FRMD5: variants seen among roughly 807,000 people sequenced by gnomAD.
The protein encoded by FRMD5 is FERM domain-containing protein 5.
A neutral mutation model predicts 69.0 loss-of-function variants in FRMD5; 20 were observed. That is an observed-to-expected ratio of 0.29 (90% CI 0.20 to 0.42). The LOEUF is 0.42. Ranked by LOEUF, FRMD5 falls within the 10% of genes least tolerant of loss-of-function variation. FRMD5 has a pLI of 1.00. For missense variants in FRMD5, 595 were observed against 708.6 expected, an observed-to-expected ratio of 0.84 and a Z score of 1.82; for synonymous variants, 271 against 260.1, an observed-to-expected ratio of 1.04 and a Z score of -0.40.
chr15:43,902,358 AC>A, intron 6 of FRMD5, 96 bp from the exon 7 acceptor site: 1 of 1,027,328 alleles, frequency 9.7e-7, no homozygotes, highest in Non-Finnish European at 1.5e-6. Context: ...GATGAGCCAC[AC>A]ATCTCAGTTT....
intron 1 of FRMD5, among the ~76,000 whole-genome samples, chr15:43,927,891 C>T (rs1050266924): frequency 7.2e-5 from 11 of 152,094 alleles, no homozygotes; most frequent in Admixed American, 2.6e-4. Context: ...GGAAATCATA[C>T]AGACTTTTAA....
intron 1 of FRMD5, among the ~76,000 whole-genome samples, chr15:44,118,973 T>A (rs2076909056): frequency 2.6e-5 from 4 of 152,126 alleles, no homozygotes. Flanking sequence ...AATTTAACTT[T>A]TATTTTTTAG....
intron 8 of FRMD5, 145 bp downstream of exon 8, chr15:43,891,836 C>A: frequency 1.5e-6 from 1 of 660,308 alleles, no homozygotes; most frequent in Admixed American, 2.5e-5. Flanking sequence ...AGACCACTCC[C>A]TTCGTCAGTT....
chr15:43,887,237 C>G (rs2088685566), intron 10 of FRMD5, among the ~76,000 whole-genome samples: 2 of 152,190 alleles, frequency 1.3e-5, no homozygotes, highest in South Asian at 4.1e-4. Context: ...CTTCCTCTCT[C>G]TGCTGCGGAG....
At chr15:44,137,937 T>C (rs1230100990) in intron 1 of FRMD5, among the ~76,000 whole-genome samples, 6 of 152,194 alleles carry the variant, frequency 3.9e-5, no homozygotes, top group Non-Finnish European at 7.3e-5. Context: ...TACTGTACAA[T>C]AAAACAGGCA....
intron 1 of FRMD5, among the ~76,000 whole-genome samples, chr15:44,138,785 A>G (rs1357063892): frequency 6.6e-6 from 1 of 152,208 alleles, no homozygotes; most frequent in Non-Finnish European, 1.5e-5. Context: ...TGATGAAAAG[A>G]AAAGTGGCAA....
intron 5 of FRMD5, among the ~76,000 whole-genome samples, chr15:43,907,108 G>T (rs2089193961): frequency 6.6e-6 from 1 of 152,188 alleles, no homozygotes. Context: ...AGGATGGTGG[G>T]TAGGACAAAA....
intron 1 of FRMD5, among the ~76,000 whole-genome samples, chr15:44,040,422 C>T (rs535800108): frequency 3.5e-4 from 53 of 152,278 alleles, no homozygotes; most frequent in African/African-American, 1.2e-3. Flanking sequence ...AGAGAAAGGT[C>T]AGGTTACCCA....
intron 1 of FRMD5, among the ~76,000 whole-genome samples, chr15:43,962,965 G>C (rs368861682): frequency 1.4e-4 from 22 of 152,052 alleles, no homozygotes; most frequent in East Asian, 1.9e-4. Flanking sequence ...AGAAGAAAAC[G>C]TAGGCAATAC....
intron 1 of FRMD5, among the ~76,000 whole-genome samples, chr15:44,134,299 C>G (rs1290331794): frequency 2.0e-5 from 3 of 151,986 alleles, no homozygotes; most frequent in Non-Finnish European, 2.9e-5. Context: ...AAAAGAATAT[C>G]TGGAAGGTGA....
At position 43,924,206 on chromosome 15, in the gene FRMD5, C is replaced by T. The variant is rs1246627415; in HGVS notation, c.206G>A (p.Arg69Gln). The change falls in exon 2 of 14, where the codon CGG becomes CAG. Residue 69 changes from arginine (R) to glutamine (Q), a missense_variant and splice_region_variant. Physicochemically the swap from Arg to Gln is conservative, Grantham distance 43. Coordinates refer to ENST00000417257, the MANE Select transcript of FRMD5 (RefSeq NM_032892.5). ...GIRFVDPDKQ[R>Q]HWLEFTKSVV... ...TTTGTGCTTTGAATATTGACTTACC[C>T]GCTGCTTATCTGGGTCTACAAAGCG... The T allele has an allele frequency of 5.0e-6, 8 of 1,610,288 alleles. No individual in the cohort carries two copies. Among genetic ancestry groups the T allele is most frequent in the South Asian group, 1.1e-5 (1 of 91,008 alleles).
At chr15:44,184,304 A>T (rs2078062566) in intron 1 of FRMD5, among the ~76,000 whole-genome samples, 1 of 152,216 alleles carries the variant, frequency 6.6e-6, no homozygotes, top group African/African-American at 2.4e-5. Flanking sequence ...TTATTACCAA[A>T]AAAAGTTAAT....
At chr15:43,947,136 C>G (rs2089960263) in intron 1 of FRMD5, among the ~76,000 whole-genome samples, 1 of 152,350 alleles carries the variant, frequency 6.6e-6, no homozygotes, top group Admixed American at 6.5e-5. Flanking sequence ...TAAGCAACTT[C>G]TGTTTCATTG....
At chr15:44,078,320 A>C (rs183081192) in intron 1 of FRMD5, among the ~76,000 whole-genome samples, 3 of 152,236 alleles carry the variant, frequency 2.0e-5, no homozygotes, top group Non-Finnish European at 4.4e-5. Flanking sequence ...CATTTATCCT[A>C]AACTTAGATG....
intron 1 of FRMD5, among the ~76,000 whole-genome samples, chr15:44,130,639 T>C (rs189886763): frequency 6.6e-6 from 1 of 152,302 alleles, no homozygotes; most frequent in African/African-American, 2.4e-5. Flanking sequence ...AGGTACATAT[T>C]TCTTCCAAAC....
At chr15:43,986,796 TTTTG>T (rs1215749003) in intron 1 of FRMD5, among the ~76,000 whole-genome samples, 2 of 151,250 alleles carry the variant, frequency 1.3e-5, no homozygotes, top group African/African-American at 4.8e-5. Flanking sequence ...ATTGTGGGGT[TTTTG>T]TTTTTTTTTT....
At chr15:44,115,664 T>G (rs1305120298) in intron 1 of FRMD5, among the ~76,000 whole-genome samples, 1 of 152,122 alleles carries the variant, frequency 6.6e-6, no homozygotes, top group Non-Finnish European at 1.5e-5. Flanking sequence ...AAGAATAAAT[T>G]CAAATTTTCA....
At position 44,169,310 on chromosome 15, in the gene FRMD5, G is replaced by T. The variant is rs150368378; in HGVS notation, c.102+25643C>A. 3.9e-3 allele frequency among the ~76,000 whole-genome samples: 594 copies of T among 151,848 alleles called. 5 individuals are homozygous for T. The highest frequency in any genetic ancestry group is 0.013 in the African/African-American group (556 of 41,388). On this transcript the variant is annotated intron_variant, in intron 1 of 13. Transcript: ENST00000417257. ...TGTAAAACAGTCCCCTAGATTCTCC[G>T]CCATTCCTCCAGACCTTACATGAAG...
chr15:43,888,724 C>T (rs982856867), intron 9 of FRMD5, 85 bp downstream of exon 9: 13 of 1,146,542 alleles, frequency 1.1e-5, no homozygotes, highest in Non-Finnish European at 1.6e-5. Context: ...CTTGGCTCTA[C>T]TGGGGTCCCT....
Sources: allele counts gnomAD v4.1 joint callset (sites outside exome capture counted in the v4.1 genomes callset), GRCh38; gene constraint gnomAD v4.1.1; transcripts MANE v1.5; gene names NCBI Gene and HGNC (gene_info 2026-07-23, HGNC 2026-07-21).